The following PRAME variants were observed in gnomAD, a reference collection of about 807,000 sequenced individuals.
The protein encoded by PRAME is melanoma antigen preferentially expressed in tumors.
Under a neutral mutation model 32.1 loss-of-function variants are expected in PRAME, and 21 were observed. The observed-to-expected ratio is 0.65, with a 90% CI of 0.46 to 0.94. PRAME has a LOEUF of 0.94. Ranked by LOEUF, PRAME falls within the 40% of genes least tolerant of loss-of-function variation. The pLI is 0.00. For missense variants in PRAME, 651 were observed against 622.3 expected (o/e 1.05, Z -0.49); for synonymous variants, 274 against 251.5 (o/e 1.09, Z -0.85).
rs1179177497 is a variant in PRAME, at chr22:22,548,007, T to C, written c.*60A>G. 3 of 1,509,272 alleles carry C rather than the reference T, an allele frequency of 2.0e-6. No homozygotes were observed. The highest frequency in any genetic ancestry group is 2.7e-6 in the Non-Finnish European group (3 of 1,113,502). 93.5% of individuals were successfully genotyped at this position (1,509,272 alleles called of 1,614,324 possible). On this transcript the variant is annotated 3_prime_UTR_variant, in exon 6 of 6. Coordinates refer to ENST00000405655, the MANE Select transcript of PRAME (RefSeq NM_206956.3). Reference sequence around the variant, plus strand: ...GGCTGCTTTGTTGCTTCAAGATGCATGCACATCCTGGCTTTAGTGTCCAAG... The same window carrying C: ...GGCTGCTTTGTTGCTTCAAGATGCACGCACATCCTGGCTTTAGTGTCCAAG...
chr22:22,550,777 C>A lies in PRAME; in HGVS notation c.334G>T (p.Val112Phe), dbSNP rs770704702. ...CTAGGTCACCCTTACCTGGGGCGAA[C>A]CTCCTGGGCAAGGAGCACATCAAGT... ...DGLDVLLAQE[V>F]RPRRWKLQVL... Residue 112 changes from valine (V) to phenylalanine (F), a missense_variant, in exon 4 of 6, where the codon GTT (valine) becomes TTT (phenylalanine). Physicochemically the swap from Val to Phe is conservative, Grantham distance 50. Coordinates refer to ENST00000405655, the MANE Select transcript of PRAME (RefSeq NM_206956.3). The A allele has an allele frequency of 1.3e-6, 2 of 1,583,414 alleles. No homozygotes were observed. Among genetic ancestry groups the A allele is most frequent in the Non-Finnish European group, 1.7e-6 (2 of 1,161,478 alleles).
At chr22:22,553,684 G>C (rs2062735137) in intron 3 of PRAME, 1 of 576,170 alleles carries the variant, frequency 1.7e-6, no homozygotes, top group Admixed American at 6.4e-5. Flanking sequence ...AGGTGGGATA[G>C]AGAGTAATAT....
At position 22,550,906 on chromosome 22, in the gene PRAME, G is replaced by C; in HGVS notation, c.205C>G (p.Leu69Val). 1 of 1,613,914 alleles carries C rather than the reference G, an allele frequency of 6.2e-7. No homozygotes were observed. Among genetic ancestry groups the C allele is most frequent in the Non-Finnish European group, 8.5e-7 (1 of 1,179,974 alleles). The change falls in exon 4 of 6, where the codon CTG (leucine) becomes GTG (valine). Residue 69 changes from leucine to valine, a missense_variant. Transcript: ENST00000405655. ...AAFDGRHSQT[L>V]KAMVQAWPFT... is the part of the protein sequence containing the mutation. ...GGCCAGGCCTGCACCATTGCCTTCAGGGTCTGGCTGTGTCTCCCGTCAAAG... is the reference window on the plus strand; with the variant it reads ...GGCCAGGCCTGCACCATTGCCTTCACGGTCTGGCTGTGTCTCCCGTCAAAG...
Position 22,548,361 on chromosome 22 carries a change from G to A in PRAME, c.1236C>T (p.Ser412=), listed in dbSNP as rs773426731. 6.2e-7 allele frequency: 1 copy of A among 1,613,610 alleles called. No homozygotes were observed. The highest frequency in any genetic ancestry group is 8.5e-7 in the Non-Finnish European group (1 of 1,179,950). The change falls in exon 6 of 6, where the codon AGC becomes AGT. Residue 412 remains serine (S), a synonymous_variant. Transcript: ENST00000405655. ...ATATGGAGATGGAATTCCCGTAGAA[G>A]CTTAAGGTCGTAAGCTGGGAGCAGT... ...LSHCSQLTTL[S]FYGNSISISA...
rs750224321 is a variant in PRAME, at chr22:22,550,204, G to A, written c.475C>T (p.Arg159Ter). 18 of 1,613,658 alleles carry A rather than the reference G, an allele frequency of 1.1e-5. No homozygotes were observed. Among genetic ancestry groups the A allele is most frequent in the East Asian group, 2.2e-5 (1 of 44,788 alleles). ...PEAAQPMTKK[R>*]KVDGLSTEAE... ...TCTGTGCTCAAACCATCTACTTTTCGCTTCTTTGTCATGGGCTGAGCTGCT... is the reference window on the plus strand; with the variant it reads ...TCTGTGCTCAAACCATCTACTTTTCACTTCTTTGTCATGGGCTGAGCTGCT... The change falls in exon 5 of 6, where the codon CGA becomes TGA. Residue 159 changes from arginine to a stop codon, truncating the protein, a stop_gained. Coordinates refer to ENST00000405655, the MANE Select transcript of PRAME (RefSeq NM_206956.3). LOFTEE classifies it high-confidence loss of function.
Position 22,550,304 on chromosome 22 carries a change from C to T in PRAME, c.375G>A (p.Arg125=), listed in dbSNP as rs754981391. 3.7e-6 allele frequency: 6 copies of T among 1,613,076 alleles called. No individual in the cohort carries two copies. The Admixed American group carries it at 1.0e-4, about 27-fold the overall frequency. ...TCCAGAAGTCCTGATGAGAGTTCTT[C>T]CGTAAATCCAGCACTTGAAGTTTCC... ...RRWKLQVLDL[R]KNSHQDFWTV... Residue 125 remains arginine, a synonymous_variant, in exon 5 of 6, where the codon CGG becomes CGA. Transcript: ENST00000405655.
chr22:22,549,510 G>A (rs916607968), intron 5 of PRAME, among the ~76,000 whole-genome samples: 2 of 151,908 alleles, frequency 1.3e-5, no homozygotes, highest in African/African-American at 4.8e-5. Flanking sequence ...AGGAGTCACT[G>A]TTAATAGCAT....
At chr22:22,553,191 C>T (rs955708223) in intron 3 of PRAME, among the ~76,000 whole-genome samples, 2 of 151,970 alleles carry the variant, frequency 1.3e-5, no homozygotes, top group Non-Finnish European at 2.9e-5. Context: ...GACATCACCC[C>T]TTCCCACTCC....
intron 1 of PRAME, 146 bp from the exon 2 acceptor site, chr22:22,557,726 G>C (rs1410921706): frequency 9.3e-6 from 1 of 107,548 alleles, no homozygotes; most frequent in Admixed American, 1.1e-4. Flanking sequence ...AATCTCACGA[G>C]ATCCAGTGAG....
rs970307374 is a variant in PRAME, at chr22:22,553,866, G to A, written c.22-2777C>T. Reference sequence around the variant, plus strand: ...GGTTAGGTGTCCTCTTCCACACTGGGGCTGTTCACAAGCAGCAGGTCAGGC... The same window carrying A: ...GGTTAGGTGTCCTCTTCCACACTGGAGCTGTTCACAAGCAGCAGGTCAGGC... On this transcript the variant is annotated intron_variant, in intron 3 of 5. Transcript: ENST00000405655. 50 of 985,094 alleles carry A rather than the reference G, an allele frequency of 5.1e-5. No individual in the cohort carries two copies. In the African/African-American group the frequency reaches 8.2e-4, roughly 16 times the overall value. 61.0% of individuals were successfully genotyped at this position (985,094 alleles called of 1,614,324 possible).
At chr22:22,556,678 C>A in intron 3 of PRAME, 134 bp downstream of exon 3, 1 of 1,082,664 alleles carries the variant, frequency 9.2e-7, no homozygotes, top group Non-Finnish European at 1.4e-6. Context: ...TGACCAGAAA[C>A]AATAAAAGCG....
chr22:22,556,836 G>A lies in PRAME; in HGVS notation c.-4C>T. On this transcript the variant is annotated 5_prime_UTR_variant, in exon 3 of 6. Coordinates refer to ENST00000405655, the MANE Select transcript of PRAME (RefSeq NM_206956.3). ...CCCACAAACGCCTTCGTTCCATTTT[G>A]AAGCGACTTAGGCTGGCCTCAGGAC... is the stretch of plus-strand genomic sequence containing the variant. 1.2e-6 allele frequency: 2 copies of A among 1,612,884 alleles called. No homozygotes were observed. The highest frequency in any genetic ancestry group is 2.2e-5 in the South Asian group (2 of 91,068).
At chr22:22,548,967 C>T (rs2062403388) in intron 5 of PRAME, among the ~76,000 whole-genome samples, 2 of 151,876 alleles carry the variant, frequency 1.3e-5, no homozygotes, top group African/African-American at 4.8e-5. Context: ...GGAAAGGCAT[C>T]AGTGAATTTT....
intron 3 of PRAME, among the ~76,000 whole-genome samples, chr22:22,552,338 T>C (rs1157422843): frequency 6.7e-6 from 1 of 149,964 alleles, no homozygotes; most frequent in Admixed American, 6.7e-5. Context: ...ATGCAAATTA[T>C]AATTGCTTGC....
chr22:22,549,954 C>T lies in PRAME; in HGVS notation c.725G>A (p.Cys242Tyr). 6.2e-7 allele frequency: 1 copy of T among 1,613,844 alleles called. No homozygotes were observed. Among genetic ancestry groups the T allele is most frequent in the Non-Finnish European group, 8.5e-7 (1 of 1,179,970 alleles). The change falls in exon 5 of 6, where the codon TGT becomes TAT. Residue 242 changes from cysteine to tyrosine, a missense_variant. Coordinates refer to ENST00000405655, the MANE Select transcript of PRAME (RefSeq NM_206956.3). ...CGCCAAGGTGGGTAGCTTCCAGGTA[C>T]AAGTCACTTCCAAATCTTCAATAGA... ...LDSIEDLEVT[C>Y]TWKLPTLAKF...
chr22:22,556,904 G>C lies in PRAME; in HGVS notation c.-72C>G. The C allele has an allele frequency of 6.5e-7, 1 of 1,546,648 alleles. No homozygotes were observed. Among genetic ancestry groups the C allele is most frequent in the Non-Finnish European group, 8.9e-7 (1 of 1,119,992 alleles). On this transcript the variant is annotated 5_prime_UTR_variant, in exon 3 of 6. Transcript: ENST00000405655. Reference sequence around the variant, plus strand: ...CTAGGTCTCAGTCACTTGTTGCCACGCACGTCTGAGAGTAATAATCAAAAT... The same window carrying C: ...CTAGGTCTCAGTCACTTGTTGCCACCCACGTCTGAGAGTAATAATCAAAAT...
chr22:22,555,909 G>C, intron 3 of PRAME: 1 of 470,758 alleles, frequency 2.1e-6, no homozygotes, highest in South Asian at 1.5e-5. Flanking sequence ...ACCACTGGAA[G>C]TGTGGGCTTT....
chr22:22,549,645 C>T (rs905240220), intron 5 of PRAME, 81 bp downstream of exon 5: 84 of 1,482,436 alleles, frequency 5.7e-5, no homozygotes, highest in Non-Finnish European at 2.3e-5. Context: ...TGGTGGCTGG[C>T]ACATACAAGA....
Position 22,548,005 on chromosome 22 carries a change from C to CATGCACAT in PRAME, c.*54_*61dup. ...GTGGCTGCTTTGTTGCTTCAAGATG[C>CATGCACAT]ATGCACATCCTGGCTTTAGTGTCCA... is the stretch of plus-strand genomic sequence containing the variant. On this transcript the variant is annotated 3_prime_UTR_variant, in exon 6 of 6. Coordinates refer to ENST00000405655, the MANE Select transcript of PRAME (RefSeq NM_206956.3). 6.7e-7 allele frequency: 1 copy of CATGCACAT among 1,490,968 alleles called. No individual in the cohort carries two copies. Among genetic ancestry groups the CATGCACAT allele is most frequent in the Non-Finnish European group, 9.1e-7 (1 of 1,099,592 alleles). 92.4% of individuals were successfully genotyped at this position (1,490,968 alleles called of 1,614,324 possible).
Sources: allele counts gnomAD v4.1 joint callset (sites outside exome capture counted in the v4.1 genomes callset), GRCh38; gene constraint gnomAD v4.1.1; transcripts MANE v1.5; gene names NCBI Gene and HGNC (gene_info 2026-07-23, HGNC 2026-07-21).